The following SDR42E2 variants were observed in gnomAD, a reference collection of about 807,000 sequenced individuals.
SDR42E2 encodes short chain dehydrogenase/reductase family 42E, member 2, also known as putative short-chain dehydrogenase/reductase family 42E member 2.
SDR42E2 carries 20 observed loss-of-function variants against 10.5 expected under a neutral mutation model. The ratio of observed to expected loss-of-function variants is 1.90; its 90% CI spans 1.34 to 2.77. SDR42E2 has a LOEUF of 2.77. Ranked by LOEUF, SDR42E2 falls within the 30% of genes most tolerant of loss-of-function variation. The pLI is 0.00. For synonymous variants in SDR42E2, 72 were observed against 39.2 expected, an observed-to-expected ratio of 1.84 and a Z score of -3.12; for missense variants, 162 against 104.2, an observed-to-expected ratio of 1.55 and a Z score of -2.42.
intron 6 of SDR42E2, among the ~76,000 whole-genome samples, chr16:22,171,592 T>G (rs1360278095): frequency 6.7e-6 from 1 of 148,964 alleles, no homozygotes; most frequent in Non-Finnish European, 1.5e-5. Flanking sequence ...GAGTGCAGTG[T>G]CATGATCTCA....
chr16:22,166,183 CCTGGGCTCAGACAGGGGTCTGGGA>C, intron 2 of SDR42E2, 43 bp from the exon 3 acceptor site: 1 of 419,702 alleles, frequency 2.4e-6, no homozygotes. Flanking sequence ...AGAGCTAGGG[CCTGGGCTCAGACAGGGGTCTGGGA>C]CTGGGCCCAG....
At chr16:22,186,959 G>C (rs1202401277) in intron 12 of SDR42E2, among the ~76,000 whole-genome samples, 165 bp downstream of exon 12, 1 of 150,172 alleles carries the variant, frequency 6.7e-6, no homozygotes, top group East Asian at 2.0e-4. Context: ...GCTGGTGCTA[G>C]CTCTGTTATG....
At chr16:22,188,776 C>T (rs1414805220) in intron 12 of SDR42E2, among the ~76,000 whole-genome samples, 2 of 152,058 alleles carry the variant, frequency 1.3e-5, no homozygotes, top group Non-Finnish European at 2.9e-5. Flanking sequence ...CTCTGCTGGT[C>T]AATCTGTGAC....
At position 22,191,686 on chromosome 16, in the gene SDR42E2, A is replaced by G. The variant is rs2046775999; in HGVS notation, c.*1293A>G. The G allele has an allele frequency of 6.6e-6, 1 of 152,106 alleles. No individual in the cohort carries two copies. The highest frequency in any genetic ancestry group is 6.6e-5 in the Admixed American group (1 of 15,266). 9.4% of individuals were successfully genotyped at this position (152,106 alleles called of 1,614,324 possible). A position where few individuals can be genotyped will look rare whatever the true frequency, so the allele number is the denominator to read the frequency against. ...TACCAGAAAGAGCATGAAAAATTTA[A>G]AAAAAAAAACTCTTAAAATAATTGG... is the stretch of plus-strand genomic sequence containing the variant. On this transcript the variant is annotated 3_prime_UTR_variant, in exon 13 of 13. Coordinates refer to ENST00000602312, the MANE Select transcript of SDR42E2 (RefSeq NM_001394319.2).
chr16:22,169,038 C>T (rs1259764801), intron 4 of SDR42E2, among the ~76,000 whole-genome samples: 5 of 152,228 alleles, frequency 3.3e-5, no homozygotes, highest in Admixed American at 6.5e-5. Context: ...CCAGCTCCCT[C>T]GTGAGGGCCC....
At chr16:22,171,751 C>T (rs1411544917) in intron 6 of SDR42E2, among the ~76,000 whole-genome samples, 6 of 151,988 alleles carry the variant, frequency 3.9e-5, no homozygotes, top group Non-Finnish European at 7.4e-5. Flanking sequence ...AGGCTGGTCT[C>T]GAACTCCTGG....
chr16:22,183,775 T>C (rs1299449440), intron 10 of SDR42E2, among the ~76,000 whole-genome samples: 1 of 152,096 alleles, frequency 6.6e-6, no homozygotes, highest in East Asian at 1.9e-4. Context: ...TAGGTGATAA[T>C]TAAATGATGT....
At chr16:22,187,764 T>C (rs1411263759) in intron 12 of SDR42E2, among the ~76,000 whole-genome samples, 1 of 152,076 alleles carries the variant, frequency 6.6e-6, no homozygotes, top group African/African-American at 2.4e-5. Flanking sequence ...AGATTGTAAA[T>C]AGCAAAGTAA....
At chr16:22,170,080 C>T (rs959379941) in intron 5 of SDR42E2, among the ~76,000 whole-genome samples, 2 of 151,326 alleles carry the variant, frequency 1.3e-5, no homozygotes, top group East Asian at 2.0e-4. Context: ...TAAGTCTGGG[C>T]GAGGTGGCTC....
At chr16:22,182,345 A>AT (rs5816171) in intron 10 of SDR42E2, 68 bp downstream of exon 10, 40,955 of 332,720 alleles carry the variant, frequency 0.12, 1,453 homozygotes, top group East Asian at 0.3. Flanking sequence ...CTTCCTTTTT[A>AT]TTTTTTTTTT....
At chr16:22,175,813 C>T (rs1400536944) in intron 7 of SDR42E2, among the ~76,000 whole-genome samples, 2 of 151,898 alleles carry the variant, frequency 1.3e-5, no homozygotes, top group African/African-American at 2.4e-5. Context: ...GCCAACATAG[C>T]GAAGCCCCTC....
intron 5 of SDR42E2, among the ~76,000 whole-genome samples, chr16:22,169,779 C>G (rs2046579356): frequency 6.6e-6 from 1 of 152,166 alleles, no homozygotes; most frequent in South Asian, 2.1e-4. Context: ...GCCTGTAATC[C>G]CAGCACTTTG....
chr16:22,185,842 A>G lies in SDR42E2; in HGVS notation c.941-879A>G, dbSNP rs140813598. ...AGCTGGTATCGAACTCCTGGCCTGA[A>G]GCGATCCTCCCACTTCAGCCTCCAG... is the stretch of plus-strand genomic sequence containing the variant. On this transcript the variant is annotated intron_variant, in intron 11 of 12. Transcript: ENST00000602312. Among the ~76,000 whole-genome samples the G allele has an allele frequency of 4.5e-4, 69 of 152,112 alleles. 1 individual carries two copies. The highest frequency in any genetic ancestry group is 1.5e-3 in the African/African-American group (61 of 41,482).
intron 7 of SDR42E2, among the ~76,000 whole-genome samples, chr16:22,175,009 C>G (rs182126168): frequency 6.6e-6 from 1 of 152,134 alleles, no homozygotes. Flanking sequence ...TCTTCTGACT[C>G]GGCGCAGAGG....
chr16:22,172,942 GGCTTATT>G (rs1247864306), intron 7 of SDR42E2, among the ~76,000 whole-genome samples: 2 of 152,084 alleles, frequency 1.3e-5, no homozygotes, highest in Non-Finnish European at 2.9e-5. Flanking sequence ...CACCATTCCA[GGCTTATT>G]TTAAATTTTT....
At chr16:22,178,342 A>C in intron 8 of SDR42E2, 130 bp downstream of exon 8, 1 of 597,708 alleles carries the variant, frequency 1.7e-6, no homozygotes, top group Non-Finnish European at 3.0e-6. Flanking sequence ...TGGAACCCTC[A>C]GTTCTACAAG....
intron 7 of SDR42E2, among the ~76,000 whole-genome samples, chr16:22,174,194 A>G (rs1253696188): frequency 1.3e-5 from 2 of 151,898 alleles, no homozygotes; most frequent in Non-Finnish European, 2.9e-5. Context: ...TTAGCTGGGC[A>G]TGGCAATGCG....
chr16:22,188,204 A>G (rs922276393), intron 12 of SDR42E2, among the ~76,000 whole-genome samples: 4 of 135,336 alleles, frequency 3.0e-5, no homozygotes, highest in African/African-American at 1.2e-4. Flanking sequence ...ATGATGAAAA[A>G]TTGAGCACTA....
chr16:22,190,608 T>C lies in SDR42E2; in HGVS notation c.*215T>C, dbSNP rs2046767715. 2.5e-6 allele frequency: 1 copy of C among 393,698 alleles called. No individual in the cohort carries two copies. The highest frequency in any genetic ancestry group is 4.5e-6 in the Non-Finnish European group (1 of 223,218). The allele number at this position is 393,698 out of a possible 1,614,324, so 24.4% of individuals were successfully genotyped here. Reference sequence around the variant, plus strand: ...CCCTATCTACTCCCAGACCTTGCCTTGCGCCCTTCCTGTGTTTTGGCCCCG... The same window carrying C: ...CCCTATCTACTCCCAGACCTTGCCTCGCGCCCTTCCTGTGTTTTGGCCCCG... On this transcript the variant is annotated 3_prime_UTR_variant, in exon 13 of 13. Coordinates refer to ENST00000602312, the MANE Select transcript of SDR42E2 (RefSeq NM_001394319.2).
Sources: allele counts gnomAD v4.1 joint callset (sites outside exome capture counted in the v4.1 genomes callset), GRCh38; gene constraint gnomAD v4.1.1; transcripts MANE v1.5; gene names NCBI Gene and HGNC (gene_info 2026-07-23, HGNC 2026-07-21).